The following ZHX2 variants were observed in gnomAD, a reference collection of about 807,000 sequenced individuals.
ZHX2 encodes zinc fingers and homeoboxes protein 2.
A neutral mutation model predicts 21.9 loss-of-function variants in ZHX2; 6 were observed. That is an observed-to-expected ratio of 0.27 (90% CI 0.15 to 0.54). The LOEUF is 0.54. ZHX2 is among the 20% of genes least tolerant of loss of function. The pLI, the probability that ZHX2 is intolerant of heterozygous loss-of-function variation, is 0.95. For synonymous variants in ZHX2, 434 were observed against 437.1 expected (o/e 0.99, Z 0.09); for missense variants, 908 against 1,090.7 (o/e 0.83, Z 2.36).
intron 1 of ZHX2, chr8:122,816,255 C>T (rs904279558): frequency 2.7e-4 from 41 of 151,500 alleles, no homozygotes; most frequent in African/African-American, 9.5e-4. Context: ...GAAGGGTGTG[C>T]ATTTTTTTTA....
At position 122,952,316 on chromosome 8, in the gene ZHX2, C is replaced by T. The variant is rs551485940; in HGVS notation, c.806C>T (p.Ser269Phe). ...CCACTAAATACTACCAAATACAACTCTGCCCTGGATACAAATGCCACGATG... is the reference window on the plus strand; with the variant it reads ...CCACTAAATACTACCAAATACAACTTTGCCCTGGATACAAATGCCACGATG... ...PVPLNTTKYN[S>F]ALDTNATMIN... Residue 269 changes from serine (S) to phenylalanine (F), a missense_variant, in exon 3 of 4, where the codon TCT becomes TTT. Coordinates refer to ENST00000314393, the MANE Select transcript of ZHX2 (RefSeq NM_014943.5). This position sits in a 1 kb window ranked among gnomAD's most constrained non-coding sequence, Gnocchi z 6.9. 1 of 1,614,174 alleles carries T rather than the reference C, an allele frequency of 6.2e-7. No individual in the cohort carries two copies. The highest frequency in any genetic ancestry group is 1.3e-5 in the African/African-American group (1 of 75,022).
intron 2 of ZHX2, among the ~76,000 whole-genome samples, chr8:122,898,624 T>G (rs916153185): frequency 6.6e-6 from 1 of 152,240 alleles, no homozygotes; most frequent in African/African-American, 2.4e-5. Context: ...TAGGAGCTAG[T>G]GATCCTAATA....
chr8:122,862,161 AG>A (rs1466462611), intron 1 of ZHX2, among the ~76,000 whole-genome samples: 1 of 152,100 alleles, frequency 6.6e-6, no homozygotes, highest in Non-Finnish European at 1.5e-5. Flanking sequence ...ACTCACTTCC[AG>A]GACTCCAGTC....
Position 122,853,975 on chromosome 8 carries a change from C to T in ZHX2, c.-282-9502C>T, listed in dbSNP as rs372529635. On this transcript the variant is annotated intron_variant, in intron 1 of 3. Coordinates refer to ENST00000314393, the MANE Select transcript of ZHX2 (RefSeq NM_014943.5). ...GTCTTTGTGGCATGGATTTGAACCA[C>T]GGGCCACCAGCCTGAGGCTCCTGAG... Among the ~76,000 whole-genome samples the T allele has an allele frequency of 7.2e-5, 11 of 152,316 alleles. No homozygotes were observed. In the East Asian group the frequency reaches 1.9e-3, roughly 27 times the overall value.
chr8:122,838,025 G>T (rs1196815147), intron 1 of ZHX2, among the ~76,000 whole-genome samples: 1 of 152,214 alleles, frequency 6.6e-6, no homozygotes, highest in East Asian at 1.9e-4. Context: ...AGCCCGTTGA[G>T]CTTTGTGTTT....
At chr8:122,914,149 G>A (rs1586384391) in intron 2 of ZHX2, among the ~76,000 whole-genome samples, 1 of 152,208 alleles carries the variant, frequency 6.6e-6, no homozygotes, top group Non-Finnish European at 1.5e-5. Context: ...TTGGCACTGG[G>A]GAGGTGCTCA....
intron 2 of ZHX2, among the ~76,000 whole-genome samples, chr8:122,920,946 T>A (rs143737686): frequency 1.1e-3 from 173 of 152,210 alleles, no homozygotes; most frequent in African/African-American, 4.1e-3. Context: ...TGCTTTTAGA[T>A]CCCTTGCTCG....
At chr8:122,924,564 C>T (rs558897968) in intron 2 of ZHX2, among the ~76,000 whole-genome samples, 4 of 152,234 alleles carry the variant, frequency 2.6e-5, no homozygotes, top group Admixed American at 2.0e-4. Context: ...AAAGCCTGGC[C>T]TCGCACAATC....
chr8:122,890,761 G>A (rs568118964), intron 2 of ZHX2, among the ~76,000 whole-genome samples: 12 of 152,110 alleles, frequency 7.9e-5, no homozygotes, highest in Non-Finnish European at 1.0e-4. Context: ...CAGCCAGTTC[G>A]TTATTGGTAT....
At chr8:122,863,820 G>T (rs114788119) in intron 2 of ZHX2, among the ~76,000 whole-genome samples, 23 of 152,198 alleles carry the variant, frequency 1.5e-4, no homozygotes, top group African/African-American at 4.8e-4. Flanking sequence ...CATCCAGAGG[G>T]CATGTGCTCA....
chr8:122,857,566 A>C (rs1819056773), intron 1 of ZHX2, among the ~76,000 whole-genome samples: 2 of 152,202 alleles, frequency 1.3e-5, no homozygotes, highest in Admixed American at 1.3e-4. Context: ...CTGGGAACAC[A>C]GGCTCTTCTG....
At chr8:122,826,374 C>T (rs985895937) in intron 1 of ZHX2, among the ~76,000 whole-genome samples, 5 of 152,102 alleles carry the variant, frequency 3.3e-5, no homozygotes, top group African/African-American at 9.7e-5. Context: ...CTGTACCAGG[C>T]GGGGGCATAT....
chr8:122,924,753 A>G (rs6991239), intron 2 of ZHX2, among the ~76,000 whole-genome samples: 53,283 of 152,076 alleles, frequency 0.35, 11,265 homozygotes, highest in African/African-American at 0.6. Context: ...CGATTGGCCC[A>G]TCGGTGAATA....
intron 2 of ZHX2, among the ~76,000 whole-genome samples, chr8:122,926,473 C>T (rs140627899): frequency 2.2e-4 from 34 of 152,290 alleles, no homozygotes; most frequent in Middle Eastern, 3.4e-3. Context: ...GCCATTTCAC[C>T]GTTCTGTCAA....
At chr8:122,870,396 A>C (rs952248702) in intron 2 of ZHX2, among the ~76,000 whole-genome samples, 2 of 151,996 alleles carry the variant, frequency 1.3e-5, no homozygotes, top group Admixed American at 1.3e-4. Flanking sequence ...TTGGGAGGCC[A>C]AGGGGGGTGG....
At chr8:122,920,507 A>G (rs1820712339) in intron 2 of ZHX2, among the ~76,000 whole-genome samples, 1 of 152,058 alleles carries the variant, frequency 6.6e-6, no homozygotes, top group South Asian at 2.1e-4. Flanking sequence ...CTGTTCTATC[A>G]CCCCAAAAAC....
At chr8:122,842,792 C>T (rs567510937) in intron 1 of ZHX2, among the ~76,000 whole-genome samples, 1 of 152,222 alleles carries the variant, frequency 6.6e-6, no homozygotes, top group Non-Finnish European at 1.5e-5. Flanking sequence ...AGACTTTTCT[C>T]CCCTGAACAC....
intron 2 of ZHX2, among the ~76,000 whole-genome samples, chr8:122,914,733 C>G (rs1395199726): frequency 6.6e-6 from 1 of 152,224 alleles, no homozygotes; most frequent in Non-Finnish European, 1.5e-5. Context: ...TGGAAACGTG[C>G]TTTTCTCTTT....
intron 2 of ZHX2, among the ~76,000 whole-genome samples, chr8:122,868,698 CAAAAA>C (rs35306891): frequency 9.0e-4 from 91 of 100,628 alleles, no homozygotes; most frequent in African/African-American, 1.4e-3. Context: ...AAGACTCCGT[CAAAAA>C]AAAAAAAAAA....
Sources: allele counts gnomAD v4.1 joint callset (sites outside exome capture counted in the v4.1 genomes callset), GRCh38; gene constraint gnomAD v4.1.1; non-coding constraint Gnocchi (gnomAD v3.1); transcripts MANE v1.5; gene names NCBI Gene and HGNC (gene_info 2026-07-23, HGNC 2026-07-21).